SAMD4A: variants seen among roughly 807,000 people sequenced by gnomAD.
The protein encoded by SAMD4A is sterile alpha motif domain containing 4A, also known as protein Smaug homolog 1.
Under a neutral mutation model 81.3 loss-of-function variants are expected in SAMD4A, and 33 were observed. The ratio of observed to expected loss-of-function variants is 0.41; its 90% CI spans 0.31 to 0.54. The LOEUF (loss-of-function observed/expected upper bound fraction) is 0.54. Ranked by LOEUF, SAMD4A falls within the 20% of genes least tolerant of loss-of-function variation. The probability of loss-of-function intolerance (pLI) is 0.37; values close to 1 mark genes in which losing one functional copy is unlikely to be tolerated. For missense variants in SAMD4A, 854 were observed against 951.1 expected, an observed-to-expected ratio of 0.90 and a Z score of 1.34; for synonymous variants, 389 against 382.1, an observed-to-expected ratio of 1.02 and a Z score of -0.21.
At chr14:54,580,585 C>T (rs1220525055) in intron 2 of SAMD4A, among the ~76,000 whole-genome samples, 1 of 152,142 alleles carries the variant, frequency 6.6e-6, no homozygotes, top group South Asian at 2.1e-4. Context: ...TTCATTCATT[C>T]GTTGGTTAAA....
At position 54,737,527 on chromosome 14, in the gene SAMD4A, ACT is replaced by A. The variant is rs4026223; in HGVS notation, c.979+255_979+256del. Among the ~76,000 whole-genome samples, 71 of 117,424 alleles carry A rather than the reference ACT, an allele frequency of 6.0e-4. 1 individual carries two copies. Among genetic ancestry groups the A allele is most frequent in the African/African-American group, 1.7e-3 (53 of 30,852 alleles). The allele number at this position is 117,424 out of a possible 152,430, so 77.0% of individuals were successfully genotyped here. A position where few individuals can be genotyped will look rare whatever the true frequency, so the allele number is the denominator to read the frequency against. ...GAACCAGAGTAAGAGAGGTCAACCC[ACT>A]CTCTCTCTCTCTCTTTTTTTTTTTT... is the stretch of plus-strand genomic sequence containing the variant. On this transcript the variant is annotated intron_variant, in intron 4 of 12. Transcript: ENST00000554335.
Position 54,712,762 on chromosome 14 carries a change from G to A in SAMD4A, c.715+10182G>A, listed in dbSNP as rs568620643. On this transcript the variant is annotated intron_variant, in intron 3 of 12. Coordinates refer to ENST00000554335, the MANE Select transcript of SAMD4A (RefSeq NM_015589.6). ...CCTCCATGGGCTGCATGCACCTTGGGTCATGAGGCTGTGCTCTCCATCCCC... is the reference window on the plus strand; with the variant it reads ...CCTCCATGGGCTGCATGCACCTTGGATCATGAGGCTGTGCTCTCCATCCCC... Among the ~76,000 whole-genome samples the A allele has an allele frequency of 5.9e-5, 9 of 152,292 alleles. No homozygotes were observed. The South Asian group carries it at 1.9e-3, about 32-fold the overall frequency.
chr14:54,623,509 A>AGGT (rs1426666809), intron 2 of SAMD4A, among the ~76,000 whole-genome samples: 4 of 127,658 alleles, frequency 3.1e-5, no homozygotes, highest in Non-Finnish European at 6.7e-5. Context: ...AAAAAAAAAA[A>AGGT]AAAAGCAGGG....
chr14:54,775,539 T>G (rs1057240586), intron 10 of SAMD4A, among the ~76,000 whole-genome samples: 3 of 152,154 alleles, frequency 2.0e-5, no homozygotes, highest in Non-Finnish European at 4.4e-5. Flanking sequence ...TGGTGGAGCA[T>G]CCACAGGACA....
intron 7 of SAMD4A, among the ~76,000 whole-genome samples, chr14:54,762,634 A>C (rs1176187428): frequency 6.6e-6 from 1 of 152,154 alleles, no homozygotes; most frequent in Non-Finnish European, 1.5e-5. Flanking sequence ...AGAGACCCAC[A>C]GTGCTATGGC....
intron 2 of SAMD4A, among the ~76,000 whole-genome samples, chr14:54,587,815 C>G (rs2033665349): frequency 6.6e-6 from 1 of 152,094 alleles, no homozygotes; most frequent in Non-Finnish European, 1.5e-5. Context: ...ATTTTTGCGT[C>G]TATGTTCATC....
intron 2 of SAMD4A, chr14:54,682,201 G>A (rs1305152734): frequency 3.1e-6 from 1 of 318,746 alleles, no homozygotes; most frequent in African/African-American, 2.3e-5. Context: ...AGTTTATAGG[G>A]GAAGAGTCCA....
chr14:54,629,750 G>C (rs2034848556), intron 2 of SAMD4A, among the ~76,000 whole-genome samples: 1 of 151,908 alleles, frequency 6.6e-6, no homozygotes, highest in South Asian at 2.1e-4. Context: ...CATTCACATT[G>C]TTATGCAGCC....
chr14:54,625,991 T>C (rs1037814811), intron 2 of SAMD4A, among the ~76,000 whole-genome samples: 5 of 150,862 alleles, frequency 3.3e-5, no homozygotes, highest in African/African-American at 1.2e-4. Context: ...GGGACATACT[T>C]ACAGAATAGC....
intron 11 of SAMD4A, among the ~76,000 whole-genome samples, chr14:54,776,855 A>AGT (rs34095224): frequency 0.044 from 6,531 of 149,908 alleles, 172 homozygotes; most frequent in South Asian, 0.06. Flanking sequence ...CTCCATGTGT[A>AGT]GTGTGTGTGT....
chr14:54,742,039 G>A (rs1448417576), intron 4 of SAMD4A, among the ~76,000 whole-genome samples: 1 of 152,136 alleles, frequency 6.6e-6, no homozygotes, highest in East Asian at 1.9e-4. Flanking sequence ...AAGCAGAGTG[G>A]AATATACATC....
chr14:54,771,250 C>A (rs2038697291), intron 9 of SAMD4A, among the ~76,000 whole-genome samples: 1 of 152,146 alleles, frequency 6.6e-6, no homozygotes, highest in South Asian at 2.1e-4. Context: ...ATTTATTTAG[C>A]ACTTACATAT....
chr14:54,754,882 C>G, intron 6 of SAMD4A: 1 of 986,862 alleles, frequency 1.0e-6, no homozygotes, highest in South Asian at 4.7e-5. Flanking sequence ...TTTGCCCCAT[C>G]CATTGGAGAT....
intron 3 of SAMD4A, among the ~76,000 whole-genome samples, chr14:54,717,016 G>A (rs2037136149): frequency 6.6e-6 from 1 of 152,138 alleles, no homozygotes; most frequent in East Asian, 1.9e-4. Context: ...CCCTGGGTCT[G>A]CATCCAATGC....
chr14:54,767,219 C>G (rs1231622798), intron 8 of SAMD4A, among the ~76,000 whole-genome samples: 2 of 152,194 alleles, frequency 1.3e-5, no homozygotes, highest in Non-Finnish European at 2.9e-5. Flanking sequence ...CCTGTGAGGC[C>G]CCGTGAAGGC....
intron 2 of SAMD4A, among the ~76,000 whole-genome samples, chr14:54,582,403 C>T (rs1299894403): frequency 6.6e-6 from 1 of 152,054 alleles, no homozygotes; most frequent in Non-Finnish European, 1.5e-5. Context: ...TTATTCAGTC[C>T]TTGAACAGAG....
At chr14:54,721,227 G>A (rs2037254666) in intron 3 of SAMD4A, among the ~76,000 whole-genome samples, 1 of 152,148 alleles carries the variant, frequency 6.6e-6, no homozygotes, top group South Asian at 2.1e-4. Context: ...CTAAAACTCT[G>A]GCTGGCATAT....
chr14:54,658,156 T>C (rs2035566423), intron 2 of SAMD4A, among the ~76,000 whole-genome samples: 1 of 151,802 alleles, frequency 6.6e-6, no homozygotes, highest in Non-Finnish European at 1.5e-5. Context: ...CAAAAAAATA[T>C]AAAAATTAGC....
intron 2 of SAMD4A, among the ~76,000 whole-genome samples, chr14:54,627,101 T>C (rs895560691): frequency 6.6e-6 from 1 of 152,220 alleles, no homozygotes; most frequent in African/African-American, 2.4e-5. Flanking sequence ...TACATAACTA[T>C]AACTCAACTA....
Sources: gnomAD v4.1 joint callset for allele counts (sites outside exome capture counted in the v4.1 genomes callset) on GRCh38, gnomAD v4.1.1 for gene constraint, MANE v1.5 for transcripts, NCBI Gene and HGNC (gene_info 2026-07-23, HGNC 2026-07-21) for gene names.